Variants in TBL1XR1 observed in about 807,000 individuals in gnomAD.
The protein encoded by TBL1XR1 is TBL1X/Y related 1.
TBL1XR1 carries 5 observed loss-of-function variants against 66.9 expected under a neutral mutation model. That is an observed-to-expected ratio of 0.07 (90% CI 0.04 to 0.16). The LOEUF (loss-of-function observed/expected upper bound fraction) is 0.16. Ranked by LOEUF, TBL1XR1 falls within the 10% of genes least tolerant of loss-of-function variation. TBL1XR1 has a pLI of 1.00. For missense variants in TBL1XR1, 238 were observed against 623.2 expected, an observed-to-expected ratio of 0.38 and a Z score of 6.58; for synonymous variants, 210 against 206.0, an observed-to-expected ratio of 1.02 and a Z score of -0.17.
intron 13 of TBL1XR1, 137 bp downstream of exon 13, chr3:177,034,061 C>T: frequency 5.3e-6 from 5 of 949,768 alleles, no homozygotes; most frequent in Middle Eastern, 3.3e-4. Context: ...ACCACCTATA[C>T]ACCAAAAACT....
At chr3:177,063,675 A>G (rs1718793525) in intron 3 of TBL1XR1, among the ~76,000 whole-genome samples, 1 of 152,224 alleles carries the variant, frequency 6.6e-6, no homozygotes, top group Non-Finnish European at 1.5e-5. Context: ...TATTCAAAAC[A>G]TTCTTTAGAT....
chr3:177,166,009 G>C (rs1031402729), intron 1 of TBL1XR1, among the ~76,000 whole-genome samples: 1 of 152,150 alleles, frequency 6.6e-6, no homozygotes, highest in Non-Finnish European at 1.5e-5. Flanking sequence ...AGGATTGCTT[G>C]AGCCTGGGAG....
At chr3:177,065,070 A>G (rs1255960615) in intron 2 of TBL1XR1, 48 bp from the exon 3 acceptor site, 1 of 1,217,192 alleles carries the variant, frequency 8.2e-7, no homozygotes, top group Non-Finnish European at 1.1e-6. Flanking sequence ...ATATTTTTAA[A>G]CAAGATGTAA....
chr3:177,112,090 TATATATATATATATA>T (rs1306676271), intron 1 of TBL1XR1, among the ~76,000 whole-genome samples: 3,696 of 52,334 alleles, frequency 0.071, 317 homozygotes, highest in South Asian at 0.11. Context: ...TATATATATA[TATATATATATATATA>T]TATTTTTTTT....
At chr3:177,104,129 A>AAAAAAGAG (rs754019574) in intron 1 of TBL1XR1, among the ~76,000 whole-genome samples, 2 of 141,216 alleles carry the variant, frequency 1.4e-5, no homozygotes, top group Admixed American at 7.3e-5. Context: ...AAAAAAAAAA[A>AAAAAAGAG]AGAGAGAGAG....
At chr3:177,188,025 T>C (rs1347452378) in intron 1 of TBL1XR1, among the ~76,000 whole-genome samples, 1 of 144,038 alleles carries the variant, frequency 6.9e-6, no homozygotes, top group Non-Finnish European at 1.5e-5. Context: ...TCTCAGCTCA[T>C]GGCAACCTCC....
At chr3:177,201,184 G>C (rs549315337), upstream of TBL1XR1, among the ~76,000 whole-genome samples, 1 of 151,536 alleles carries the variant, frequency 6.6e-6, no homozygotes, top group Non-Finnish European at 1.5e-5. Context: ...AGGCCGAGGC[G>C]GGCGGATCAC....
At chr3:177,093,888 A>G (rs1488187335) in intron 2 of TBL1XR1, among the ~76,000 whole-genome samples, 1 of 152,210 alleles carries the variant, frequency 6.6e-6, no homozygotes, top group Non-Finnish European at 1.5e-5. Context: ...TAACATTGGG[A>G]AAACCCTTCT....
intron 1 of TBL1XR1, among the ~76,000 whole-genome samples, chr3:177,154,412 TTAAG>T (rs1448548490): frequency 1.3e-5 from 2 of 152,074 alleles, no homozygotes; most frequent in Non-Finnish European, 2.9e-5. Flanking sequence ...TTTTTTTTTT[TTAAG>T]AAGGAGTTTT....
chr3:177,113,423 G>C (rs2108732191), intron 1 of TBL1XR1, among the ~76,000 whole-genome samples: 1 of 152,174 alleles, frequency 6.6e-6, no homozygotes, highest in South Asian at 2.1e-4. Flanking sequence ...GCAATAAACA[G>C]AGAAAAACAA....
At chr3:177,029,119 G>GAA (rs1014837040) in intron 14 of TBL1XR1, among the ~76,000 whole-genome samples, 3 of 138,468 alleles carry the variant, frequency 2.2e-5, no homozygotes, top group South Asian at 4.6e-4. Context: ...ATTAAGCTAT[G>GAA]AAAAAAAAAA....
At chr3:177,054,416 A>G (rs566870733) in intron 3 of TBL1XR1, among the ~76,000 whole-genome samples, 1 of 152,276 alleles carries the variant, frequency 6.6e-6, no homozygotes, top group Admixed American at 6.5e-5. Context: ...AGCATCTCTC[A>G]AAAGTGGTAC....
rs575103710 is a variant in TBL1XR1 at position 177,150,556 on chromosome 3, C to T, written c.-122+46565G>A. Among the ~76,000 whole-genome samples the T allele has an allele frequency of 7.9e-5, 12 of 152,336 alleles. No individual in the cohort carries two copies. In the East Asian group the frequency reaches 9.6e-4, roughly 12 times the overall value. On this transcript the variant is annotated intron_variant, in intron 1 of 15. Coordinates refer to ENST00000457928, the MANE Select transcript of TBL1XR1 (RefSeq NM_024665.7). The stretch of plus-strand genomic sequence containing the variant: ...TTACCTAGGAAAACAAAACAAAATA[C>T]GATGTCTCTTTGAAGTCCTCAGATT...
chr3:177,174,270 G>A (rs139281112), intron 1 of TBL1XR1, among the ~76,000 whole-genome samples: 260 of 151,952 alleles, frequency 1.7e-3, no homozygotes, highest in African/African-American at 5.9e-3. Context: ...TTAGCCGGCC[G>A]GAGTGGCAAG....
intron 1 of TBL1XR1, among the ~76,000 whole-genome samples, chr3:177,112,108 T>TATATATATATATATA (rs1553846589): frequency 9.3e-4 from 33 of 35,630 alleles, no homozygotes; most frequent in African/African-American, 2.0e-3. Flanking sequence ...TATATATATA[T>TATATATATATATATA]TTTTTTTTTT....
chr3:177,026,729 T>C, intron 14 of TBL1XR1: 1 of 363,706 alleles, frequency 2.7e-6, no homozygotes, highest in Non-Finnish European at 4.9e-6. Flanking sequence ...TTGGCTAAGG[T>C]ATCTGGTCTC....
chr3:177,155,889 A>G (rs886606455), intron 1 of TBL1XR1, among the ~76,000 whole-genome samples: 7 of 152,044 alleles, frequency 4.6e-5, no homozygotes, highest in African/African-American at 7.2e-5. Context: ...CATGCCTGTA[A>G]TCCCAGCTAC....
At chr3:177,129,311 T>TA (rs1434622371) in intron 1 of TBL1XR1, among the ~76,000 whole-genome samples, 3 of 152,188 alleles carry the variant, frequency 2.0e-5, no homozygotes, top group African/African-American at 7.2e-5. Flanking sequence ...AATGATTCCC[T>TA]ACTCAAGGAT....
rs150724007 is a variant in TBL1XR1, at chr3:177,046,719, A to G, written c.865-530T>C. Among the ~76,000 whole-genome samples the G allele has an allele frequency of 4.6e-4, 70 of 152,032 alleles. No individual in the cohort carries two copies. The Middle Eastern group carries it at 0.014, about 30-fold the overall frequency. ...ACTTCACTTTTCTTCCCCTTTTGCC[A>G]CTTTTTTTATTGCTCTCTGAATTTT... On this transcript the variant is annotated intron_variant, in intron 9 of 15. Transcript: ENST00000457928.
Sources: allele counts gnomAD v4.1 joint callset (sites outside exome capture counted in the v4.1 genomes callset), GRCh38; gene constraint gnomAD v4.1.1; transcripts MANE v1.5; gene names NCBI Gene and HGNC (gene_info 2026-07-23, HGNC 2026-07-21).